The following COL6A5 variants were observed in gnomAD, a reference collection of about 807,000 sequenced individuals.
The protein encoded by COL6A5 is collagen alpha-5(VI) chain.
A neutral mutation model predicts 65.6 loss-of-function variants in COL6A5; 48 were observed. The ratio of observed to expected loss-of-function variants is 0.73; its 90% CI spans 0.58 to 0.93. The LOEUF (loss-of-function observed/expected upper bound fraction) is 0.93, where lower values mean the gene tolerates loss of function less well. Among genes scored for constraint, COL6A5 ranks in the 40% least tolerant of loss-of-function variants. The pLI, the probability that COL6A5 is intolerant of heterozygous loss-of-function variation, is 0.00. For synonymous variants in COL6A5, 291 were observed against 322.8 expected, an observed-to-expected ratio of 0.90 and a Z score of 1.05; for missense variants, 914 against 928.3, an observed-to-expected ratio of 0.98 and a Z score of 0.20.
At chr3:130,357,517 G>A (rs1261641121) in intron 1 of COL6A5, among the ~76,000 whole-genome samples, 1 of 152,024 alleles carries the variant, frequency 6.6e-6, no homozygotes, top group African/African-American at 2.4e-5. Flanking sequence ...AAAAATAATA[G>A]GCATTCTCAC....
intron 22 of COL6A5, among the ~76,000 whole-genome samples, chr3:130,415,123 C>T (rs920255738): frequency 8.5e-5 from 13 of 152,078 alleles, no homozygotes; most frequent in Non-Finnish European, 1.6e-4. Context: ...TAGGAAGAAA[C>T]GTTACTGCCA....
chr3:130,441,756 G>A (rs1709186515), intron 3 of COL6A5, among the ~76,000 whole-genome samples: 1 of 152,110 alleles, frequency 6.6e-6, no homozygotes, highest in Non-Finnish European at 1.5e-5. Context: ...CAGGGATATT[G>A]CTAAACATCC....
At chr3:130,379,141 G>A (rs1486742998) in intron 3 of COL6A5, among the ~76,000 whole-genome samples, 1 of 152,182 alleles carries the variant, frequency 6.6e-6, no homozygotes, top group East Asian at 1.9e-4. Flanking sequence ...GGTGATGGCG[G>A]TCATGGAGAT....
chr3:130,417,511 A>G (rs1937378988), intron 24 of COL6A5, among the ~76,000 whole-genome samples: 1 of 152,114 alleles, frequency 6.6e-6, no homozygotes. Context: ...CAACTCTAAA[A>G]GATCTCTTTC....
intron 5 of COL6A5, among the ~76,000 whole-genome samples, chr3:130,460,598 A>G (rs942002405): frequency 2.0e-5 from 3 of 152,086 alleles, no homozygotes; most frequent in African/African-American, 7.2e-5. Context: ...TACTTGAAGT[A>G]TTAAGTAGGT....
At chr3:130,457,268 T>G (rs540813612) in intron 5 of COL6A5, among the ~76,000 whole-genome samples, 83 of 152,148 alleles carry the variant, frequency 5.5e-4, no homozygotes, top group African/African-American at 1.9e-3. Context: ...AGTATCAAAT[T>G]GTCATTTGTG....
At chr3:130,390,257 A>C (rs372216131) in intron 6 of COL6A5, among the ~76,000 whole-genome samples, 1 of 152,136 alleles carries the variant, frequency 6.6e-6, no homozygotes, top group African/African-American at 2.4e-5. Context: ...CAGCTGACTC[A>C]TGCATTAGAT....
At chr3:130,351,060 G>A (rs1218432253) in intron 1 of COL6A5, among the ~76,000 whole-genome samples, 1 of 152,104 alleles carries the variant, frequency 6.6e-6, no homozygotes, top group Non-Finnish European at 1.5e-5. Context: ...CAAGAAATGG[G>A]GAAAGGATTC....
At chr3:130,394,648 T>C (rs895104718) in intron 7 of COL6A5, among the ~76,000 whole-genome samples, 3 of 152,218 alleles carry the variant, frequency 2.0e-5, no homozygotes, top group African/African-American at 7.2e-5. Flanking sequence ...TCTGATTAGC[T>C]TTCAGTGTCT....
intron 4 of COL6A5, among the ~76,000 whole-genome samples, chr3:130,445,599 C>T (rs545615829): frequency 1.3e-5 from 2 of 152,236 alleles, no homozygotes; most frequent in African/African-American, 4.8e-5. Flanking sequence ...GCAGTCCAGA[C>T]ATGGCAATTG....
At chr3:130,410,362 A>G in intron 19 of COL6A5, 109 bp from the exon 20 acceptor site, 2 of 784,786 alleles carry the variant, frequency 2.5e-6, no homozygotes, top group Non-Finnish European at 2.1e-6. Context: ...TCACAGCATG[A>G]CATGTTTATT....
chr3:130,414,295 C>T (rs1937275215), intron 22 of COL6A5, among the ~76,000 whole-genome samples, 164 bp downstream of exon 22: 1 of 152,218 alleles, frequency 6.6e-6, no homozygotes, highest in African/African-American at 2.4e-5. Context: ...ATCAAACTTG[C>T]TTCGTTGTTC....
chr3:130,398,826 A>G (rs1315771703), intron 10 of COL6A5, among the ~76,000 whole-genome samples: 2 of 152,140 alleles, frequency 1.3e-5, no homozygotes, highest in Admixed American at 1.3e-4. Flanking sequence ...AATCAGGCAA[A>G]GGCTAAGAAT....
chr3:130,370,493 A>G lies in COL6A5; in HGVS notation c.-28-3118A>G, dbSNP rs141661615. On this transcript the variant is annotated intron_variant and NMD_transcript_variant, in intron 1 of 41. Transcript: ENST00000312481. The stretch of plus-strand genomic sequence containing the variant: ...TTTCTGAGAGGCTGCCCTATTCTAT[A>G]TCCATCTTATCTGGAGGAATACAAA... 8.3e-3 allele frequency among the ~76,000 whole-genome samples: 1,264 copies of G among 152,308 alleles called. 17 individuals carry two copies. The highest frequency in any genetic ancestry group is 0.028 in the African/African-American group (1,169 of 41,560).
At chr3:130,455,812 A>G (rs1019139974) in intron 5 of COL6A5, 146 bp downstream of exon 37, 1 of 644,210 alleles carries the variant, frequency 1.6e-6, no homozygotes, top group Admixed American at 2.9e-5. Flanking sequence ...TTCTACTTTT[A>G]TTGAAATTGA....
chr3:130,428,215 C>T (rs1452428277), upstream of COL6A5, among the ~76,000 whole-genome samples: 1 of 152,122 alleles, frequency 6.6e-6, no homozygotes, highest in African/African-American at 2.4e-5. Context: ...GATTGGATAA[C>T]ACGGAACTCC....
intron 10 of COL6A5, among the ~76,000 whole-genome samples, chr3:130,399,537 A>AT (rs566639215): frequency 4.0e-5 from 6 of 150,426 alleles, no homozygotes; most frequent in African/African-American, 7.3e-5. Flanking sequence ...CGCTTGGCTA[A>AT]TTTTTTTTTA....
intron 7 of COL6A5, among the ~76,000 whole-genome samples, chr3:130,479,932 ATGT>A (rs1252659339): frequency 2.6e-5 from 4 of 152,062 alleles, no homozygotes; most frequent in Non-Finnish European, 4.4e-5. Flanking sequence ...AAATTAGAAA[ATGT>A]TGTCTAAATG....
intron 1 of COL6A5, among the ~76,000 whole-genome samples, chr3:130,352,292 A>G (rs1487535665): frequency 1.3e-5 from 2 of 152,002 alleles, no homozygotes; most frequent in African/African-American, 2.4e-5. Flanking sequence ...TGTACCCTAG[A>G]ACTTAAGGTG....
Sources: gnomAD v4.1 joint callset for allele counts (sites outside exome capture counted in the v4.1 genomes callset) on GRCh38, gnomAD v4.1.1 for gene constraint, MANE v1.5 for transcripts, NCBI Gene and HGNC (gene_info 2026-07-23, HGNC 2026-07-21) for gene names.